The following C1orf21 variants were observed in gnomAD, a reference collection of about 807,000 sequenced individuals.
C1orf21 encodes chromosome 1 open reading frame 21.
Under a neutral mutation model 18.7 loss-of-function variants are expected in C1orf21, and 3 were observed. The ratio of observed to expected loss-of-function variants is 0.16; its 90% confidence interval spans 0.07 to 0.42. The LOEUF is 0.42. Among genes scored for constraint, C1orf21 ranks in the 10% least tolerant of loss-of-function variants. The pLI is 0.99. For synonymous variants in C1orf21, 41 were observed against 46.4 expected (o/e 0.88, Z 0.47); for missense variants, 104 against 143.6 (o/e 0.72, Z 1.41).
At chr1:184,516,730 G>A (rs564880981) in intron 3 of C1orf21, among the ~76,000 whole-genome samples, 22 of 152,182 alleles carry the variant, frequency 1.4e-4, no homozygotes, top group Non-Finnish European at 3.1e-4. Context: ...CTGCCCCCAT[G>A]ATTCAATTAT....
At chr1:184,574,098 G>A (rs1225981519) in intron 3 of C1orf21, among the ~76,000 whole-genome samples, 2 of 152,044 alleles carry the variant, frequency 1.3e-5, no homozygotes, top group Non-Finnish European at 2.9e-5. Flanking sequence ...CCAGCTACTC[G>A]GGAGGCTGAT....
At chr1:184,484,352 C>T (rs987903424) in intron 2 of C1orf21, among the ~76,000 whole-genome samples, 2 of 152,176 alleles carry the variant, frequency 1.3e-5, no homozygotes, top group African/African-American at 4.8e-5. Context: ...CCCGTTTTCT[C>T]GACTTCATGT....
intron 5 of C1orf21, among the ~76,000 whole-genome samples, chr1:184,598,742 GA>G (rs1659550100): frequency 6.6e-6 from 1 of 152,088 alleles, no homozygotes; most frequent in African/African-American, 2.4e-5. Flanking sequence ...CGAGCATTCT[GA>G]CCACTGCATG....
intron 1 of C1orf21, among the ~76,000 whole-genome samples, chr1:184,416,043 A>G (rs754192167): frequency 6.6e-6 from 1 of 152,204 alleles, no homozygotes; most frequent in African/African-American, 2.4e-5. Context: ...GGCAAAAAGG[A>G]TTGCCAGAGA....
In C1orf21 at chr1:184,476,482, T is replaced by C. The variant is rs148838181; in HGVS notation, c.-124-904T>C. Among the ~76,000 whole-genome samples, 23 of 152,192 alleles carry C rather than the reference T, an allele frequency of 1.5e-4. No individual in the cohort carries two copies. The East Asian group carries it at 4.1e-3, about 27-fold the overall frequency. On this transcript the variant is annotated intron_variant, in intron 1 of 5. Transcript: ENST00000235307. ...GCCTGGAATGGTTGGGTGAGGATGATGAAAGCATAAAACAAAAATGAGCAA... is the reference window on the plus strand; with the variant it reads ...GCCTGGAATGGTTGGGTGAGGATGACGAAAGCATAAAACAAAAATGAGCAA...
At chr1:184,588,395 G>A (rs1326564242) in intron 3 of C1orf21, among the ~76,000 whole-genome samples, 3 of 152,148 alleles carry the variant, frequency 2.0e-5, no homozygotes, top group Admixed American at 2.0e-4. Flanking sequence ...GTTGTACAAT[G>A]AAATGTGTCA....
chr1:184,452,098 G>C (rs1303358505), intron 1 of C1orf21, among the ~76,000 whole-genome samples: 1 of 152,182 alleles, frequency 6.6e-6, no homozygotes, highest in Non-Finnish European at 1.5e-5. Context: ...AGTGTGGAAT[G>C]CTTTCCAAAC....
At chr1:184,402,447 C>T (rs1314917007) in intron 1 of C1orf21, among the ~76,000 whole-genome samples, 3 of 151,954 alleles carry the variant, frequency 2.0e-5, no homozygotes, top group Non-Finnish European at 4.4e-5. Context: ...ATAATGAGAC[C>T]TCATCTCTTC....
At chr1:184,487,121 G>C (rs922489142) in intron 2 of C1orf21, among the ~76,000 whole-genome samples, 1 of 148,620 alleles carries the variant, frequency 6.7e-6, no homozygotes, top group African/African-American at 2.6e-5. Flanking sequence ...CTTCCCCTTG[G>C]AGTTATTTTC....
chr1:184,464,150 G>A (rs539883889), intron 1 of C1orf21, among the ~76,000 whole-genome samples: 7 of 152,274 alleles, frequency 4.6e-5, no homozygotes, highest in African/African-American at 1.7e-4. Context: ...ACTTTCTTTT[G>A]GAGGCATTCA....
At position 184,529,536 on chromosome 1, in the gene C1orf21, T is replaced by C. The variant is rs565778631; in HGVS notation, c.189+21854T>C. Among the ~76,000 whole-genome samples, 7 of 152,340 alleles carry C rather than the reference T, an allele frequency of 4.6e-5. No individual in the cohort carries two copies. In the South Asian group the frequency reaches 1.4e-3, roughly 32 times the overall value. On this transcript the variant is annotated intron_variant, in intron 3 of 5. Coordinates refer to ENST00000235307, the MANE Select transcript of C1orf21 (RefSeq NM_030806.4). ...CTTAACAGGAAGTTGCATACAGATA[T>C]GTGTTTGCACATGCACCCATGTGTA...
intron 1 of C1orf21, among the ~76,000 whole-genome samples, chr1:184,398,055 C>G (rs1268562124): frequency 6.6e-6 from 1 of 152,158 alleles, no homozygotes; most frequent in Non-Finnish European, 1.5e-5. Flanking sequence ...GGTGAGGCAT[C>G]ATAATGTAGC....
chr1:184,442,289 T>C, intron 1 of C1orf21, among the ~76,000 whole-genome samples: 1 of 152,206 alleles, frequency 6.6e-6, no homozygotes, highest in East Asian at 1.9e-4. Flanking sequence ...TCAGACAGAC[T>C]TAAAGATCAG....
chr1:184,612,783 A>T (rs1343525544), intron 5 of C1orf21, among the ~76,000 whole-genome samples: 1 of 152,240 alleles, frequency 6.6e-6, no homozygotes, highest in East Asian at 1.9e-4. Context: ...CCACTGTTTC[A>T]GTTACCCAGA....
chr1:184,472,440 G>A (rs888593297), intron 1 of C1orf21, among the ~76,000 whole-genome samples: 4 of 152,030 alleles, frequency 2.6e-5, no homozygotes, highest in African/African-American at 9.7e-5. Flanking sequence ...TTTTAGAAGT[G>A]CCTTTCTTGA....
At position 184,479,613 on chromosome 1, in the gene C1orf21, CTTTTTTTTTTTTTT is replaced by C. The variant is rs55840285; in HGVS notation, c.94+2023_94+2036del. ...TGATGCCGTGCAGCCTCCCATAGGT[CTTTTTTTTTTTTTT>C]TTTTTTTTTTTTGAGACAGTCTTGC... is the stretch of plus-strand genomic sequence containing the variant. On this transcript the variant is annotated intron_variant, in intron 2 of 5. Coordinates refer to ENST00000235307, the MANE Select transcript of C1orf21 (RefSeq NM_030806.4). 1.4e-4 allele frequency among the ~76,000 whole-genome samples: 9 copies of C among 62,216 alleles called. No individual in the cohort carries two copies. In the East Asian group the frequency reaches 5.2e-3, roughly 36 times the overall value. 40.8% of individuals were successfully genotyped at this position (62,216 alleles called of 152,430 possible).
intron 1 of C1orf21, among the ~76,000 whole-genome samples, chr1:184,449,760 G>A (rs1657094802): frequency 6.6e-6 from 1 of 152,138 alleles, no homozygotes; most frequent in Non-Finnish European, 1.5e-5. Flanking sequence ...TCAAAATTAA[G>A]ATCCCTATGT....
intron 1 of C1orf21, among the ~76,000 whole-genome samples, chr1:184,472,582 A>C (rs2101988641): frequency 6.6e-6 from 1 of 152,302 alleles, no homozygotes; most frequent in African/African-American, 2.4e-5. Context: ...TTTTTAAAAA[A>C]AGTTCAAATA....
rs11296231 is a variant in C1orf21, at chr1:184,400,017, ATT to A, written c.-125+12660_-125+12661del. ...GTAGCCTCTAGAGGAAACCAACAAG[ATT>A]TTTTTTTTTTAGTATCATTATGAAC... On this transcript the variant is annotated intron_variant, in intron 1 of 5. Coordinates refer to ENST00000235307, the MANE Select transcript of C1orf21 (RefSeq NM_030806.4). Among the ~76,000 whole-genome samples the A allele has an allele frequency of 3.9e-3, 574 of 148,652 alleles. 2 individuals are homozygous for A. The highest frequency in any genetic ancestry group is 0.017 in the Middle Eastern group (5 of 290).
Sources: gnomAD v4.1 joint callset for allele counts (sites outside exome capture counted in the v4.1 genomes callset) on GRCh38, gnomAD v4.1.1 for gene constraint, MANE v1.5 for transcripts, NCBI Gene and HGNC (gene_info 2026-07-23, HGNC 2026-07-21) for gene names.